CNBD1: variants seen among roughly 807,000 people sequenced by gnomAD.
CNBD1 encodes the protein cyclic nucleotide-binding domain-containing protein 1.
A neutral mutation model predicts 54.4 loss-of-function variants in CNBD1; 71 were observed. The observed-to-expected ratio is 1.30, with a 90% CI of 1.08 to 1.59. CNBD1 has a LOEUF of 1.59. Among genes scored for constraint, CNBD1 ranks in the 40% most tolerant of loss-of-function variants. The pLI is 0.00. For missense variants in CNBD1, 659 were observed against 518.0 expected, an observed-to-expected ratio of 1.27 and a Z score of -2.64; for synonymous variants, 182 against 170.7, an observed-to-expected ratio of 1.07 and a Z score of -0.51.
At chr8:87,226,694 G>A (rs1346212865) in intron 5 of CNBD1, among the ~76,000 whole-genome samples, 2 of 151,850 alleles carry the variant, frequency 1.3e-5, no homozygotes, top group Non-Finnish European at 2.9e-5. Context: ...GTGTGGTGTG[G>A]TGCTGAAAAA....
intron 4 of CNBD1, among the ~76,000 whole-genome samples, chr8:87,059,502 C>G (rs961776177): frequency 6.6e-6 from 1 of 152,192 alleles, no homozygotes; most frequent in Non-Finnish European, 1.5e-5. Flanking sequence ...ACTCACAGTT[C>G]TGCAGAGCTG....
At chr8:86,880,151 A>T (rs10955087) in intron 1 of CNBD1, among the ~76,000 whole-genome samples, 70,711 of 151,706 alleles carry the variant, frequency 0.47, 16,735 homozygotes, top group East Asian at 0.56. Flanking sequence ...CTGAAATAAG[A>T]TATTGAGCTG....
At chr8:87,125,646 C>T (rs942799732) in intron 4 of CNBD1, among the ~76,000 whole-genome samples, 6 of 151,748 alleles carry the variant, frequency 4.0e-5, no homozygotes, top group Admixed American at 2.6e-4. Flanking sequence ...TGTGTTGTCT[C>T]TCATTCTTTC....
intron 8 of CNBD1, among the ~76,000 whole-genome samples, chr8:87,335,058 C>T (rs536158039): frequency 6.6e-6 from 1 of 152,122 alleles, no homozygotes; most frequent in Admixed American, 6.6e-5. Context: ...TTTGATTGCA[C>T]TATGGTCTGA....
chr8:87,253,379 G>A (rs954316076), intron 6 of CNBD1, among the ~76,000 whole-genome samples: 2 of 152,124 alleles, frequency 1.3e-5, no homozygotes, highest in African/African-American at 2.4e-5. Context: ...ATTGCTGGCT[G>A]AATCTAAGTC....
At chr8:87,042,296 T>TGAG (rs1321047862) in intron 4 of CNBD1, among the ~76,000 whole-genome samples, 2 of 152,076 alleles carry the variant, frequency 1.3e-5, no homozygotes, top group African/African-American at 4.8e-5. Flanking sequence ...GGAGCTCAGG[T>TGAG]GAGGGCCTGA....
intron 4 of CNBD1, among the ~76,000 whole-genome samples, chr8:87,124,332 A>G (rs374367271): frequency 7.9e-5 from 12 of 151,836 alleles, no homozygotes; most frequent in African/African-American, 2.9e-4. Context: ...ACAAATCTTA[A>G]TAAATTTAAG....
intron 5 of CNBD1, among the ~76,000 whole-genome samples, chr8:87,210,468 T>C (rs1814073324): frequency 6.6e-6 from 1 of 152,220 alleles, no homozygotes; most frequent in East Asian, 1.9e-4. Flanking sequence ...ATCTCCTAGG[T>C]AGACACTCCT....
intron 4 of CNBD1, among the ~76,000 whole-genome samples, chr8:86,942,508 A>G (rs538774952): frequency 1.3e-5 from 2 of 152,260 alleles, no homozygotes; most frequent in African/African-American, 2.4e-5. Context: ...CCCCACTTTC[A>G]TGATGGCTTT....
At chr8:86,898,940 A>G (rs917189068) in intron 2 of CNBD1, among the ~76,000 whole-genome samples, 2 of 152,092 alleles carry the variant, frequency 1.3e-5, no homozygotes, top group Non-Finnish European at 2.9e-5. Context: ...AAATAAAAGT[A>G]AAAAAATAGA....
intron 4 of CNBD1, among the ~76,000 whole-genome samples, chr8:86,980,763 C>A (rs1808468885): frequency 6.6e-6 from 1 of 152,178 alleles, no homozygotes; most frequent in Non-Finnish European, 1.5e-5. Flanking sequence ...ATTTAATATT[C>A]ATAATCATGT....
At chr8:86,899,944 T>A (rs2131802931) in intron 2 of CNBD1, among the ~76,000 whole-genome samples, 1 of 152,258 alleles carries the variant, frequency 6.6e-6, no homozygotes, top group Admixed American at 6.5e-5. Context: ...TATCAGTGAC[T>A]GCCTTCAGCA....
intron 3 of CNBD1, among the ~76,000 whole-genome samples, chr8:86,925,519 G>A (rs1778563857): frequency 7.4e-6 from 1 of 134,424 alleles, no homozygotes; most frequent in Non-Finnish European, 1.6e-5. Flanking sequence ...GTGTGTGTGT[G>A]TGTGTGTCCC....
At chr8:86,878,086 G>T (rs1808551323) in intron 1 of CNBD1, among the ~76,000 whole-genome samples, 1 of 140,596 alleles carries the variant, frequency 7.1e-6, no homozygotes, top group South Asian at 2.6e-4. Flanking sequence ...AAAGCTGTGT[G>T]TGTGTGTGTG....
chr8:87,135,704 T>C (rs1201574175), intron 4 of CNBD1, among the ~76,000 whole-genome samples: 1 of 149,530 alleles, frequency 6.7e-6, no homozygotes, highest in East Asian at 1.9e-4. Flanking sequence ...ATTAGCATCC[T>C]AAAACTATTT....
chr8:87,321,773 A>G (rs13259727), intron 8 of CNBD1, among the ~76,000 whole-genome samples: 57,727 of 149,960 alleles, frequency 0.38, 11,336 homozygotes, highest in Middle Eastern at 0.46. Flanking sequence ...GCCAAGACCA[A>G]TGTCATCAGG....
intron 8 of CNBD1, among the ~76,000 whole-genome samples, chr8:87,350,751 A>G (rs751227591): frequency 1.8e-4 from 28 of 152,024 alleles, no homozygotes; most frequent in Admixed American, 7.2e-4. Flanking sequence ...AGTTTTCAGA[A>G]TTAAATATTG....
chr8:87,237,170 C>CT (rs1563519106), intron 6 of CNBD1, 58 bp downstream of exon 6: 2 of 1,045,748 alleles, frequency 1.9e-6, no homozygotes, highest in Non-Finnish European at 2.8e-6. Context: ...TTTTGTAAAA[C>CT]TTTATCTCTT....
At chr8:87,279,415 A>G (rs947032950) in intron 6 of CNBD1, among the ~76,000 whole-genome samples, 2 of 151,510 alleles carry the variant, frequency 1.3e-5, no homozygotes, top group African/African-American at 4.8e-5. Flanking sequence ...AATATACATT[A>G]AACGTAAACA....
Sources: allele counts gnomAD v4.1 joint callset (sites outside exome capture counted in the v4.1 genomes callset), GRCh38; gene constraint gnomAD v4.1.1; transcripts MANE v1.5; gene names NCBI Gene and HGNC (gene_info 2026-07-23, HGNC 2026-07-21).